Variants in SLC2A9 observed in about 807,000 individuals in gnomAD.
SLC2A9 encodes the protein solute carrier family 2 member 9.
A neutral mutation model predicts 50.6 loss-of-function variants in SLC2A9; 39 were observed. That is an observed-to-expected ratio of 0.77 (90% CI 0.60 to 1.01). SLC2A9 has a LOEUF of 1.01. Among genes scored for constraint, SLC2A9 ranks in the 50% least tolerant of loss-of-function variants. SLC2A9 has a pLI of 0.00. For missense variants in SLC2A9, 686 were observed against 677.6 expected (o/e 1.01, Z -0.14); for synonymous variants, 324 against 276.9 (o/e 1.17, Z -1.69).
intron 1 of SLC2A9, among the ~76,000 whole-genome samples, chr4:10,027,573 A>T (rs1763796673): frequency 1.3e-5 from 2 of 150,564 alleles, no homozygotes; most frequent in African/African-American, 4.9e-5. Context: ...AGTGAGGTTG[A>T]CCTCTCCTCT....
At chr4:9,851,920 A>G (rs981861763) in intron 10 of SLC2A9, among the ~76,000 whole-genome samples, 2 of 152,240 alleles carry the variant, frequency 1.3e-5, no homozygotes, top group Admixed American at 1.3e-4. Context: ...ATATGAGATT[A>G]TGTAAAGAGA....
At chr4:10,017,812 C>T (rs527441034) in intron 2 of SLC2A9, among the ~76,000 whole-genome samples, 2 of 152,162 alleles carry the variant, frequency 1.3e-5, no homozygotes, top group Non-Finnish European at 2.9e-5. Flanking sequence ...GTCCCCAAAA[C>T]GGCCTGTGCT....
intron 5 of SLC2A9, among the ~76,000 whole-genome samples, chr4:9,965,257 C>T (rs1578114063): frequency 6.6e-6 from 1 of 152,188 alleles, no homozygotes; most frequent in African/African-American, 2.4e-5. Flanking sequence ...CAGTCGGGCA[C>T]GAGGGCCCAG....
At chr4:9,868,657 C>T (rs571224658) in intron 10 of SLC2A9, among the ~76,000 whole-genome samples, 6 of 152,304 alleles carry the variant, frequency 3.9e-5, no homozygotes, top group African/African-American at 1.4e-4. Context: ...GAGCTGACAG[C>T]CAGCTTGAAG....
Position 9,835,059 on chromosome 4 carries a change from C to A in SLC2A9, c.1292-51G>T, listed in dbSNP as rs375945493. 2.9e-5 allele frequency: 47 copies of A among 1,611,500 alleles called. No individual in the cohort carries two copies. In the African/African-American group the frequency reaches 5.6e-4, roughly 19 times the overall value. Reference sequence around the variant, plus strand: ...AATTAATCACTCTGAGAAGGTCATGCCTCCAGCATCCATCTCCATCTGCCA... The same window carrying A: ...AATTAATCACTCTGAGAAGGTCATGACTCCAGCATCCATCTCCATCTGCCA... On this transcript the variant is annotated intron_variant, in intron 10 of 11. Transcript: ENST00000264784.
intron 10 of SLC2A9, among the ~76,000 whole-genome samples, chr4:9,877,373 T>A (rs1450836449): frequency 6.6e-6 from 1 of 152,188 alleles, no homozygotes; most frequent in African/African-American, 2.4e-5. Flanking sequence ...CCACCCAACT[T>A]GGGGTAGTGC....
chr4:10,018,550 A>AGATAGAT (rs1553915037), intron 2 of SLC2A9, among the ~76,000 whole-genome samples: 1 of 126,896 alleles, frequency 7.9e-6, no homozygotes, highest in African/African-American at 3.2e-5. Context: ...CAAAGATGAT[A>AGATAGAT]GATAGATAGA....
intron 11 of SLC2A9, 111 bp downstream of exon 11, chr4:9,834,770 A>T (rs550952499): frequency 6.6e-7 from 1 of 1,517,224 alleles, no homozygotes; most frequent in South Asian, 1.2e-5. Flanking sequence ...GGAAAATAGC[A>T]TGAGTTTCCA....
chr4:9,845,261 C>T (rs1728774882), intron 10 of SLC2A9, among the ~76,000 whole-genome samples: 1 of 151,864 alleles, frequency 6.6e-6, no homozygotes, highest in African/African-American at 2.4e-5. Flanking sequence ...GATCCGCCTG[C>T]CTCGGCCCCC....
chr4:9,824,578 C>T (rs899386384), downstream of SLC2A9, among the ~76,000 whole-genome samples: 3 of 152,158 alleles, frequency 2.0e-5, no homozygotes, highest in Admixed American at 6.5e-5. Context: ...ATTTACTGTA[C>T]TATAAAGTAC....
chr4:9,791,785 C>T (rs1719947544), intron 3 of SLC2A9, among the ~76,000 whole-genome samples: 1 of 152,124 alleles, frequency 6.6e-6, no homozygotes, highest in Admixed American at 6.5e-5. Context: ...TTATATTACT[C>T]CTTGATTGCA....
chr4:9,849,208 A>G (rs1029180451), intron 10 of SLC2A9, among the ~76,000 whole-genome samples: 1 of 152,132 alleles, frequency 6.6e-6, no homozygotes, highest in African/African-American at 2.4e-5. Context: ...AGGAGGAGAA[A>G]GACAGGATCA....
At chr4:9,811,751 G>A (rs1042571263) in intron 3 of SLC2A9, among the ~76,000 whole-genome samples, 1 of 152,166 alleles carries the variant, frequency 6.6e-6, no homozygotes, top group Non-Finnish European at 1.5e-5. Flanking sequence ...GGGATATTTT[G>A]TTCCTCAGCA....
intron 1 of SLC2A9, among the ~76,000 whole-genome samples, chr4:9,774,054 G>A (rs1319112027): frequency 1.3e-5 from 2 of 150,212 alleles, no homozygotes; most frequent in Non-Finnish European, 2.9e-5. Flanking sequence ...GAGTGCAGTG[G>A]TGCGATCTCG....
rs1277627553 is a variant in SLC2A9 at position 9,788,379 on chromosome 4, C to T, written n.386-8314G>A. On this transcript the variant is annotated intron_variant and non_coding_transcript_variant, in intron 3 of 3. Transcript: ENST00000503803. Reference sequence around the variant, plus strand: ...TAATTTTTTTTTTTTTTTGTAGAGACGGGGACTCCCTATGTTGCCCAGGCT... The same window carrying T: ...TAATTTTTTTTTTTTTTTGTAGAGATGGGGACTCCCTATGTTGCCCAGGCT... Among the ~76,000 whole-genome samples, 4 of 117,116 alleles carry T rather than the reference C, an allele frequency of 3.4e-5. No individual in the cohort carries two copies. In the South Asian group the frequency reaches 8.0e-4, roughly 23 times the overall value. The allele number at this position is 117,116 out of a possible 152,430, so 76.8% of individuals were successfully genotyped here. A position where few individuals can be genotyped will look rare whatever the true frequency, so the allele number is the denominator to read the frequency against.
At chr4:9,795,218 G>A (rs1313404759), downstream of SLC2A9, among the ~76,000 whole-genome samples, 1 of 151,732 alleles carries the variant, frequency 6.6e-6, no homozygotes, top group African/African-American at 2.4e-5. Context: ...TCACCATGTT[G>A]GCCAGGGTAC....
At chr4:9,997,042 T>C in intron 2 of SLC2A9, 101 bp from the exon 3 acceptor site, 2 of 1,344,688 alleles carry the variant, frequency 1.5e-6, no homozygotes, top group South Asian at 1.2e-5. Context: ...AGCATTTTCA[T>C]GCATAGCACT....
At chr4:10,022,044 G>A (rs1763547840), upstream of SLC2A9, among the ~76,000 whole-genome samples, 2 of 152,048 alleles carry the variant, frequency 1.3e-5, no homozygotes, top group African/African-American at 4.8e-5. Flanking sequence ...TCACCATGTT[G>A]GCCAGGCTGG....
At chr4:9,937,981 C>A (rs1001933348) in intron 6 of SLC2A9, among the ~76,000 whole-genome samples, 3 of 152,252 alleles carry the variant, frequency 2.0e-5, no homozygotes, top group Non-Finnish European at 2.9e-5. Context: ...GTCCACACTT[C>A]TGTGATCACA....
Sources: allele counts gnomAD v4.1 joint callset (sites outside exome capture counted in the v4.1 genomes callset), GRCh38; gene constraint gnomAD v4.1.1; transcripts MANE v1.5; gene names NCBI Gene and HGNC (gene_info 2026-07-23, HGNC 2026-07-21).